Variants in CADPS2 observed in about 807,000 individuals in gnomAD.
CADPS2 encodes calcium-dependent secretion activator 2.
In CADPS2, 93 loss-of-function variants were observed where a neutral mutation model predicts 172.5. That is an observed-to-expected ratio of 0.54 (90% CI 0.46 to 0.64). The LOEUF is 0.64. Among genes scored for constraint, CADPS2 ranks in the 30% least tolerant of loss-of-function variants. The pLI, the probability that CADPS2 is intolerant of heterozygous loss-of-function variation, is 0.00. For synonymous variants in CADPS2, 546 were observed against 555.2 expected (o/e 0.98, Z 0.23); for missense variants, 1,420 against 1,565.9 (o/e 0.91, Z 1.57).
chr7:122,521,480 T>TGGGGGGGC (rs2060791291), intron 8 of CADPS2, among the ~76,000 whole-genome samples: 1 of 28,424 alleles, frequency 3.5e-5, no homozygotes, highest in Admixed American at 4.1e-4. Flanking sequence ...TGCGGGGGGG[T>TGGGGGGGC]GAGGTGGGGG....
chr7:122,469,040 A>G (rs1048812123), intron 14 of CADPS2, among the ~76,000 whole-genome samples: 3 of 152,214 alleles, frequency 2.0e-5, no homozygotes, highest in African/African-American at 7.2e-5. Context: ...TAAAGATAAT[A>G]TATGCATGAA....
intron 28 of CADPS2, among the ~76,000 whole-genome samples, chr7:122,333,806 C>T (rs1197112113): frequency 6.6e-6 from 1 of 152,004 alleles, no homozygotes; most frequent in Admixed American, 6.6e-5. Flanking sequence ...CTATCTCCAG[C>T]CCTTAGTAGA....
chr7:122,486,490 A>AT lies in CADPS2; in HGVS notation c.1852+3590dup, dbSNP rs1221831063. Among the ~76,000 whole-genome samples the AT allele has an allele frequency of 3.9e-5, 6 of 152,316 alleles. No individual in the cohort carries two copies. The East Asian group carries it at 1.2e-3, about 29-fold the overall frequency. On this transcript the variant is annotated intron_variant, in intron 11 of 29. Coordinates refer to ENST00000449022, the MANE Select transcript of CADPS2 (RefSeq NM_017954.11). ...AAGTGCAGCCTGAAGATGTGACTGA[A>AT]TTGCTGCAATCTCATGATAAAACTT...
At chr7:122,784,783 G>A (rs558039458) in intron 1 of CADPS2, among the ~76,000 whole-genome samples, 5 of 152,146 alleles carry the variant, frequency 3.3e-5, no homozygotes, top group Admixed American at 6.5e-5. Flanking sequence ...GAATGTGTCT[G>A]GACATGGGTC....
chr7:122,680,662 C>T (rs184606638), intron 2 of CADPS2, among the ~76,000 whole-genome samples: 18 of 152,218 alleles, frequency 1.2e-4, no homozygotes, highest in South Asian at 1.0e-3. Flanking sequence ...TGCAGTGGGT[C>T]GGGATAATGC....
At chr7:122,730,127 T>TAAAG (rs2091507065) in intron 2 of CADPS2, among the ~76,000 whole-genome samples, 1 of 151,726 alleles carries the variant, frequency 6.6e-6, no homozygotes, top group Non-Finnish European at 1.5e-5. Flanking sequence ...TCTTAGTGTA[T>TAAAG]AAACAATGCC....
chr7:122,540,752 T>G (rs1181579047), intron 8 of CADPS2, among the ~76,000 whole-genome samples: 1 of 152,170 alleles, frequency 6.6e-6, no homozygotes, highest in Non-Finnish European at 1.5e-5. Context: ...AAACACTTTC[T>G]TCTTTCTTCT....
chr7:122,484,453 C>T (rs543447196), intron 11 of CADPS2, among the ~76,000 whole-genome samples: 5 of 148,150 alleles, frequency 3.4e-5, no homozygotes, highest in East Asian at 4.0e-4. Context: ...CATCCATATG[C>T]CATCCAGAAA....
At chr7:122,630,490 C>T (rs1209913529) in intron 3 of CADPS2, among the ~76,000 whole-genome samples, 1 of 151,902 alleles carries the variant, frequency 6.6e-6, no homozygotes, top group Non-Finnish European at 1.5e-5. Context: ...CCAGAAGAGG[C>T]AGGGTGAGGG....
intron 8 of CADPS2, among the ~76,000 whole-genome samples, chr7:122,531,279 T>C (rs748422776): frequency 3.3e-5 from 5 of 151,786 alleles, no homozygotes; most frequent in Non-Finnish European, 7.4e-5. Context: ...GAAGAAGAGG[T>C]GAAGTTAGGG....
intron 28 of CADPS2, among the ~76,000 whole-genome samples, chr7:122,327,990 A>C (rs914617470): frequency 6.6e-6 from 1 of 152,092 alleles, no homozygotes; most frequent in African/African-American, 2.4e-5. Flanking sequence ...CCTAAGTCAA[A>C]GCATTTTCAA....
Position 122,448,690 on chromosome 7 carries a change from A to G in CADPS2, c.2288+2684T>C, listed in dbSNP as rs575425587. Among the ~76,000 whole-genome samples the G allele has an allele frequency of 2.8e-4, 42 of 152,250 alleles. No homozygotes were observed. In the East Asian group the frequency reaches 7.9e-3, roughly 29 times the overall value. ...AACTCAATATAGCAATCCCATGTCC[A>G]TGTCAGTGACTGATTGAGGCATCCC... On this transcript the variant is annotated intron_variant, in intron 15 of 29. Coordinates refer to ENST00000449022, the MANE Select transcript of CADPS2 (RefSeq NM_017954.11).
Position 122,490,078 on chromosome 7 carries a change from T to TA in CADPS2, c.1852+2dup. ...AATCAAATTATTTTTTAACAAAACT[T>TA]ACAAAGCTGAGCATCTGCATGGAGA... is the stretch of plus-strand genomic sequence containing the variant. On this transcript the variant is annotated splice_region_variant and intron_variant, in intron 11 of 29. Coordinates refer to ENST00000449022, the MANE Select transcript of CADPS2 (RefSeq NM_017954.11). 1 of 1,612,686 alleles carries TA rather than the reference T, an allele frequency of 6.2e-7. No individual in the cohort carries two copies. Among genetic ancestry groups the TA allele is most frequent in the Non-Finnish European group, 8.5e-7 (1 of 1,179,084 alleles).
chr7:122,343,300 A>G (rs2150958339), intron 28 of CADPS2, among the ~76,000 whole-genome samples: 1 of 152,312 alleles, frequency 6.6e-6, no homozygotes, highest in East Asian at 1.9e-4. Context: ...AAACCTTCAC[A>G]ACCAAAACAG....
intron 1 of CADPS2, among the ~76,000 whole-genome samples, chr7:122,831,093 G>A (rs1806399101): frequency 6.6e-6 from 1 of 152,162 alleles, no homozygotes; most frequent in African/African-American, 2.4e-5. Context: ...TGTGCTAGAA[G>A]AAGCACTACC....
At chr7:122,626,331 G>A (rs1453372872) in intron 4 of CADPS2, among the ~76,000 whole-genome samples, 1 of 152,170 alleles carries the variant, frequency 6.6e-6, no homozygotes, top group Non-Finnish European at 1.5e-5. Context: ...ATGGACCACA[G>A]TGGAAAGGGA....
intron 7 of CADPS2, among the ~76,000 whole-genome samples, chr7:122,567,677 C>G (rs914340924): frequency 3.3e-5 from 5 of 151,998 alleles, no homozygotes; most frequent in Admixed American, 6.6e-5. Flanking sequence ...ATAACAATAA[C>G]TCAAATGATG....
chr7:122,510,586 T>C (rs878982492), intron 9 of CADPS2, among the ~76,000 whole-genome samples: 6 of 152,158 alleles, frequency 3.9e-5, no homozygotes, highest in Admixed American at 3.9e-4. Flanking sequence ...ATATCACTCA[T>C]AATACACACT....
intron 8 of CADPS2, among the ~76,000 whole-genome samples, chr7:122,541,809 ATATATT>A (rs2063067099): frequency 1.3e-5 from 1 of 79,830 alleles, no homozygotes; most frequent in Non-Finnish European, 2.5e-5. Flanking sequence ...ATATATATTT[ATATATT>A]CATATGTTTA....
Sources: allele counts gnomAD v4.1 joint callset (sites outside exome capture counted in the v4.1 genomes callset), GRCh38; gene constraint gnomAD v4.1.1; transcripts MANE v1.5; gene names NCBI Gene and HGNC (gene_info 2026-07-23, HGNC 2026-07-21).